CACNA1D: variants seen among roughly 807,000 people sequenced by gnomAD.
CACNA1D encodes calcium voltage-gated channel subunit alpha1 D.
Under a neutral mutation model 257.1 loss-of-function variants are expected in CACNA1D, and 55 were observed. That is an observed-to-expected ratio of 0.21 (90% CI 0.17 to 0.27). The LOEUF (loss-of-function observed/expected upper bound fraction) is 0.27, where lower values mean the gene tolerates loss of function less well. Ranked by LOEUF, CACNA1D falls within the 10% of genes least tolerant of loss-of-function variation. CACNA1D has a pLI of 1.00. For synonymous variants in CACNA1D, 980 were observed against 1,014.9 expected (o/e 0.97, Z 0.65); for missense variants, 1,876 against 2,784.0 (o/e 0.67, Z 7.34).
chr3:53,586,276 CTGTGTGTGTGTGTGTGTGTG>C (rs57318445), intron 3 of CACNA1D, among the ~76,000 whole-genome samples: 1 of 135,938 alleles, frequency 7.4e-6, no homozygotes, highest in African/African-American at 2.7e-5. Flanking sequence ...TGCCTCTATT[CTGTGTGTGTGTGTGTGTGTG>C]TGTGTGTGTG....
At chr3:53,724,543 C>T (rs1298094718) in intron 14 of CACNA1D, among the ~76,000 whole-genome samples, 2 of 152,312 alleles carry the variant, frequency 1.3e-5, no homozygotes, top group African/African-American at 4.8e-5. Flanking sequence ...GGGGCCTCTG[C>T]AGGCAGTAGC....
intron 3 of CACNA1D, among the ~76,000 whole-genome samples, chr3:53,504,046 TG>T (rs1243256522): frequency 6.7e-6 from 1 of 149,940 alleles, no homozygotes; most frequent in Non-Finnish European, 1.5e-5. Flanking sequence ...ATGAGGGAGC[TG>T]GTTTTTTGTT....
intron 3 of CACNA1D, among the ~76,000 whole-genome samples, chr3:53,629,645 A>C (rs758748816): frequency 2.0e-5 from 3 of 152,092 alleles, no homozygotes; most frequent in Non-Finnish European, 4.4e-5. Context: ...TTGCTCACAC[A>C]CATTCCCTCC....
chr3:53,562,223 T>G (rs1385517701), intron 3 of CACNA1D, among the ~76,000 whole-genome samples: 1 of 152,080 alleles, frequency 6.6e-6, no homozygotes, highest in Non-Finnish European at 1.5e-5. Flanking sequence ...TGGAATTTAG[T>G]GTGTGGGATT....
At position 53,786,516 on chromosome 3, in the gene CACNA1D, A is replaced by C. The variant is rs115135403; in HGVS notation, c.4793-306A>C. The C allele has an allele frequency of 6.1e-3, 2,105 of 347,448 alleles. 53 individuals are homozygous for C. The highest frequency in any genetic ancestry group is 0.041 in the African/African-American group (1,980 of 48,112). The allele number at this position is 347,448 out of a possible 1,614,324, so 21.5% of individuals were successfully genotyped here. On this transcript the variant is annotated intron_variant, in intron 39 of 47. Coordinates refer to ENST00000350061, the MANE Select transcript of CACNA1D (RefSeq NM_001128840.3). ...TAATTTTTATTTTAAGTAAATAACC[A>C]AGACAGCATTTCATAGTGTTACTAA... is the stretch of plus-strand genomic sequence containing the variant.
Position 53,786,812 on chromosome 3 carries a change from C to G in CACNA1D, c.4793-10C>G, listed in dbSNP as rs781273480. The G allele has an allele frequency of 1.3e-6, 2 of 1,534,078 alleles. No individual in the cohort carries two copies. Among genetic ancestry groups the G allele is most frequent in the Non-Finnish European group, 1.8e-6 (2 of 1,129,352 alleles). On this transcript the variant is annotated splice_polypyrimidine_tract_variant and intron_variant, in intron 39 of 47. Transcript: ENST00000350061. Reference sequence around the variant, plus strand: ...GATTCGGGAGAGCTCTGTCTGGTCTCTCCGTTTAGATGATGAGGTAACCGT... The same window carrying G: ...GATTCGGGAGAGCTCTGTCTGGTCTGTCCGTTTAGATGATGAGGTAACCGT...
intron 3 of CACNA1D, among the ~76,000 whole-genome samples, chr3:53,612,005 T>G (rs1184006943): frequency 6.6e-6 from 1 of 152,244 alleles, no homozygotes; most frequent in East Asian, 1.9e-4. Flanking sequence ...CCACTGTTAA[T>G]TCCATCACAT....
intron 3 of CACNA1D, among the ~76,000 whole-genome samples, chr3:53,531,852 T>C (rs1254643885): frequency 6.6e-6 from 1 of 152,238 alleles, no homozygotes; most frequent in Non-Finnish European, 1.5e-5. Flanking sequence ...GTCTACTTTT[T>C]TTCTTAAAAG....
intron 3 of CACNA1D, among the ~76,000 whole-genome samples, chr3:53,511,652 G>A (rs958010430): frequency 3.9e-5 from 6 of 152,160 alleles, no homozygotes; most frequent in Non-Finnish European, 7.3e-5. Flanking sequence ...CTATAAAAAC[G>A]CTGCTTTTTG....
At chr3:53,780,488 C>T (rs767825423) in intron 38 of CACNA1D, among the ~76,000 whole-genome samples, 14 of 152,202 alleles carry the variant, frequency 9.2e-5, no homozygotes, top group Admixed American at 3.3e-4. Context: ...AGGGATTTCA[C>T]TGGTCTGAGC....
intron 3 of CACNA1D, among the ~76,000 whole-genome samples, chr3:53,502,439 A>G (rs2090644778): frequency 6.6e-6 from 1 of 152,128 alleles, no homozygotes; most frequent in South Asian, 2.1e-4. Context: ...GCTAGTCCCT[A>G]AAAGTAATCA....
chr3:53,790,904 A>ATG (rs2095479453), intron 40 of CACNA1D: 1 of 686,916 alleles, frequency 1.5e-6, no homozygotes. Context: ...CTCTTTTTAA[A>ATG]TTTTTTTCTT....
intron 3 of CACNA1D, among the ~76,000 whole-genome samples, chr3:53,572,513 C>T (rs1386861043): frequency 6.6e-6 from 1 of 152,150 alleles, no homozygotes; most frequent in African/African-American, 2.4e-5. Flanking sequence ...GATTCTCCCA[C>T]CTCAGCCTCC....
rs1254030320 is a variant in CACNA1D, at chr3:53,710,281, C to T, written c.1390+7471C>T. The T allele has an allele frequency of 1.7e-5, 7 of 415,674 alleles. 1 individual carries two copies. The highest frequency in any genetic ancestry group is 1.0e-4 in the South Asian group (6 of 58,198). 25.7% of individuals were successfully genotyped at this position (415,674 alleles called of 1,614,324 possible). A position where few individuals can be genotyped will look rare whatever the true frequency, so the allele number is the denominator to read the frequency against. ...GCAGGAGGGGTCTGGGGCAGGCGGG[C>T]GTCCATTGCGTGAGGCAACCTGGCT... On this transcript the variant is annotated intron_variant, in intron 9 of 47. Coordinates refer to ENST00000350061, the MANE Select transcript of CACNA1D (RefSeq NM_001128840.3).
At chr3:53,742,541 A>G (rs1225593742) in intron 21 of CACNA1D, among the ~76,000 whole-genome samples, 1 of 152,208 alleles carries the variant, frequency 6.6e-6, no homozygotes, top group East Asian at 1.9e-4. Flanking sequence ...CTCTGTGGAA[A>G]AGTGATGTAG....
chr3:53,663,910 C>T (rs1420640889), intron 5 of CACNA1D, among the ~76,000 whole-genome samples: 4 of 152,042 alleles, frequency 2.6e-5, no homozygotes, highest in African/African-American at 4.8e-5. Flanking sequence ...GGACTACAGG[C>T]GCACACCGCC....
At chr3:53,652,150 G>A (rs749886963) in intron 4 of CACNA1D, among the ~76,000 whole-genome samples, 5 of 152,168 alleles carry the variant, frequency 3.3e-5, no homozygotes, top group Non-Finnish European at 4.4e-5. Context: ...ATGGCAAGCC[G>A]AAGCCTTGCA....
chr3:53,783,709 G>A (rs1576654808), intron 39 of CACNA1D, among the ~76,000 whole-genome samples: 1 of 152,216 alleles, frequency 6.6e-6, no homozygotes, highest in South Asian at 2.1e-4. Flanking sequence ...AAGAGTTGCC[G>A]GACAGGGCTT....
chr3:53,591,639 C>G (rs1013067244), intron 3 of CACNA1D, among the ~76,000 whole-genome samples: 1 of 152,204 alleles, frequency 6.6e-6, no homozygotes, highest in African/African-American at 2.4e-5. Flanking sequence ...TCTGTCCACT[C>G]AATGCTGTGT....
Sources: allele counts gnomAD v4.1 joint callset (sites outside exome capture counted in the v4.1 genomes callset), GRCh38; gene constraint gnomAD v4.1.1; transcripts MANE v1.5; gene names NCBI Gene and HGNC (gene_info 2026-07-23, HGNC 2026-07-21).